Variants in ZNF563 observed in about 807,000 individuals in gnomAD.
ZNF563 encodes zinc finger protein 563.
Under a neutral mutation model 48.5 loss-of-function variants are expected in ZNF563, and 39 were observed. That is an observed-to-expected ratio of 0.80 (90% CI 0.62 to 1.05). The LOEUF is 1.05. Ranked by LOEUF, ZNF563 falls within the 50% of genes least tolerant of loss-of-function variation. ZNF563 has a pLI of 0.00. For synonymous variants in ZNF563, 168 were observed against 187.9 expected (o/e 0.89, Z 0.87); for missense variants, 538 against 597.0 (o/e 0.90, Z 1.03).
At chr19:12,320,809 A>T (rs1031639684) in intron 3 of ZNF563, among the ~76,000 whole-genome samples, 1 of 152,098 alleles carries the variant, frequency 6.6e-6, no homozygotes, top group Non-Finnish European at 1.5e-5. Flanking sequence ...TCATATGTAA[A>T]TTCTTATAAA....
upstream of ZNF563, among the ~76,000 whole-genome samples, chr19:12,334,512 A>G (rs1207451901): frequency 6.6e-6 from 1 of 152,154 alleles, no homozygotes; most frequent in African/African-American, 2.4e-5. Context: ...TGCCCTCTGC[A>G]GAGTGTGGAA....
chr19:12,332,908 C>T (rs1968958124), intron 1 of ZNF563, among the ~76,000 whole-genome samples: 1 of 152,198 alleles, frequency 6.6e-6, no homozygotes, highest in African/African-American at 2.4e-5. Context: ...CCGGCGTTAC[C>T]GGCCCAGATA....
chr19:12,336,792 T>C (rs2145824158), upstream of ZNF563, among the ~76,000 whole-genome samples: 2 of 152,308 alleles, frequency 1.3e-5, no homozygotes, highest in South Asian at 4.1e-4. Flanking sequence ...TGCCTGGGGA[T>C]GGACATGTCC....
intron 1 of ZNF563, among the ~76,000 whole-genome samples, chr19:12,330,032 T>C (rs1968885368): frequency 6.6e-6 from 1 of 152,106 alleles, no homozygotes; most frequent in African/African-American, 2.4e-5. Context: ...GCAATTCTCC[T>C]GCCTCAGCCT....
chr19:12,336,224 G>A (rs1247641748), upstream of ZNF563, among the ~76,000 whole-genome samples: 1 of 152,160 alleles, frequency 6.6e-6, no homozygotes, highest in Non-Finnish European at 1.5e-5. Context: ...ACTTTAGGAG[G>A]CAGGGGCAGG....
the ZNF563 span, among the ~76,000 whole-genome samples, chr19:12,345,316 G>T: frequency 6.6e-6 from 1 of 152,192 alleles, no homozygotes; most frequent in African/African-American, 2.4e-5. Context: ...AATTCACACT[G>T]CCTTATTTCA....
chr19:12,329,472 CA>C (rs754295632), intron 1 of ZNF563, among the ~76,000 whole-genome samples: 371 of 75,894 alleles, frequency 4.9e-3, no homozygotes, highest in African/African-American at 0.01. Flanking sequence ...GACTCCATCT[CA>C]AAAAAAAAAA....
chr19:12,320,432 C>A (rs1175747873), intron 3 of ZNF563, among the ~76,000 whole-genome samples: 1 of 151,774 alleles, frequency 6.6e-6, no homozygotes, highest in African/African-American at 2.4e-5. Flanking sequence ...ACCTTGACCT[C>A]CTGAACTCAA....
At chr19:12,321,530 C>T (rs1190695401) in intron 2 of ZNF563, among the ~76,000 whole-genome samples, 198 bp from the exon 3 acceptor site, 17 of 152,062 alleles carry the variant, frequency 1.1e-4, no homozygotes, top group East Asian at 5.8e-4. Context: ...CAGCAACCTC[C>T]GCCTCCTGGG....
the ZNF563 span, among the ~76,000 whole-genome samples, chr19:12,339,607 G>C: frequency 6.6e-6 from 1 of 152,060 alleles, no homozygotes; most frequent in East Asian, 1.9e-4. Context: ...TATCAAAATA[G>C]CCACTCTATA....
chr19:12,322,895 CAT>C (rs1217372888), intron 1 of ZNF563, among the ~76,000 whole-genome samples, 184 bp from the exon 2 acceptor site: 1 of 152,196 alleles, frequency 6.6e-6, no homozygotes, highest in Non-Finnish European at 1.5e-5. Flanking sequence ...TAGAATTCAA[CAT>C]GTTTGGTAAA....
At position 12,319,627 on chromosome 19, in the gene ZNF563, T is replaced by A. The variant is rs773649120; in HGVS notation, c.398A>T (p.Tyr133Phe). ...RVDSGHKPHE[Y>F]QEYGEKPHTH... ...ATGTGGCTTCTCTCCATATTCCTGA[T>A]ACTCATGTGGTTTGTGTCCAGAATC... Residue 133 changes from tyrosine to phenylalanine, a missense_variant, in exon 4 of 4, where the codon TAT (tyrosine) becomes TTT (phenylalanine). Transcript: ENST00000293725. 4 of 1,614,216 alleles carry A rather than the reference T, an allele frequency of 2.5e-6. No individual in the cohort carries two copies. In the South Asian group the frequency reaches 4.4e-5, roughly 18 times the overall value.
rs752828924 is a variant in ZNF563 at position 12,322,622 on chromosome 19, A to G, written c.93T>C (p.Tyr31=). The stretch of plus-strand genomic sequence containing the variant: ...GGTTCCTGATGGTTTCTTGCATCAC[A>G]TATCTGTATAAATTCTTCTGTGATG... ...LGPSQKNLYR[Y]VMQETIRNLD... Residue 31 remains tyrosine, a synonymous_variant, in exon 2 of 4, where the codon TAT becomes TAC. Transcript: ENST00000293725. 6.9e-5 allele frequency: 111 copies of G among 1,608,414 alleles called. No homozygotes were observed. The highest frequency in any genetic ancestry group is 8.6e-5 in the Non-Finnish European group (101 of 1,176,934).
At chr19:12,333,909 T>C (rs113841866), upstream of ZNF563, among the ~76,000 whole-genome samples, 7,412 of 152,312 alleles carry the variant, frequency 0.049, 599 homozygotes, top group African/African-American at 0.17. Context: ...CATTTGCATT[T>C]ATGCAGAATT....
chr19:12,340,382 T>C, the ZNF563 span, among the ~76,000 whole-genome samples: 4 of 152,066 alleles, frequency 2.6e-5, no homozygotes, highest in Admixed American at 2.0e-4. Flanking sequence ...ACCAGGCATA[T>C]AGTCACAGCT....
rs1488640183 is a variant in ZNF563 at position 12,319,031 on chromosome 19, T to A, written c.994A>T (p.Thr332Ser). The A allele has an allele frequency of 8.4e-5, 136 of 1,614,086 alleles. No homozygotes were observed. Among genetic ancestry groups the A allele is most frequent in the Non-Finnish European group, 1.1e-4 (133 of 1,180,042 alleles). Reference sequence around the variant, plus strand: ...TTACATTTATGAGGTCGATCTCCAGTGTGCCTTTTCATGTGTATCTGAAAG... The same window carrying A: ...TTACATTTATGAGGTCGATCTCCAGAGTGCCTTTTCATGTGTATCTGAAAG... ...GSFQIHMKRH[T>S]GDRPHKCKIC... Residue 332 changes from threonine (T) to serine (S), a missense_variant, in exon 4 of 4, where the codon ACT (threonine) becomes TCT (serine). Coordinates refer to ENST00000293725, the MANE Select transcript of ZNF563 (RefSeq NM_145276.3).
intron 1 of ZNF563, among the ~76,000 whole-genome samples, chr19:12,329,925 C>CTT (rs113676690): frequency 6.9e-6 from 1 of 145,652 alleles, no homozygotes; most frequent in Non-Finnish European, 1.5e-5. Flanking sequence ...CTTTTCTTTT[C>CTT]TTTTTTTTTT....
At chr19:12,338,389 A>G (rs1428179081), upstream of ZNF563, among the ~76,000 whole-genome samples, 2 of 152,172 alleles carry the variant, frequency 1.3e-5, no homozygotes, top group South Asian at 2.1e-4. Context: ...CTGGGATTAC[A>G]GGTGTGTACC....
chr19:12,328,602 G>A lies in ZNF563; in HGVS notation c.3+4878C>T, dbSNP rs145904955. 1.6e-3 allele frequency among the ~76,000 whole-genome samples: 242 copies of A among 152,010 alleles called. 4 individuals carry two copies. The highest frequency in any genetic ancestry group is 0.013 in the Admixed American group (199 of 15,270). Reference sequence around the variant, plus strand: ...AGCCTGACCAACATGGAGAAACCCCGTGTCTACTAAAAATACAAATAGCCG... The same window carrying A: ...AGCCTGACCAACATGGAGAAACCCCATGTCTACTAAAAATACAAATAGCCG... On this transcript the variant is annotated intron_variant, in intron 1 of 3. Transcript: ENST00000293725.
Sources: gnomAD v4.1 joint callset for allele counts (sites outside exome capture counted in the v4.1 genomes callset) on GRCh38, gnomAD v4.1.1 for gene constraint, MANE v1.5 for transcripts, NCBI Gene and HGNC (gene_info 2026-07-23, HGNC 2026-07-21) for gene names.